Variants in UIMC1 observed in about 807,000 individuals in gnomAD.
UIMC1 encodes BRCA1-A complex subunit RAP80.
A neutral mutation model predicts 84.9 loss-of-function variants in UIMC1; 42 were observed. The ratio of observed to expected loss-of-function variants is 0.49; its 90% CI spans 0.39 to 0.64. The LOEUF (loss-of-function observed/expected upper bound fraction) is 0.64. Among genes scored for constraint, UIMC1 ranks in the 30% least tolerant of loss-of-function variants. The probability of loss-of-function intolerance (pLI) is 0.00; values close to 1 mark genes in which losing one functional copy is unlikely to be tolerated. For synonymous variants in UIMC1, 281 were observed against 293.0 expected, an observed-to-expected ratio of 0.96 and a Z score of 0.42; for missense variants, 825 against 847.6, an observed-to-expected ratio of 0.97 and a Z score of 0.33.
At chr5:176,999,568 A>C (rs1396068584) in intron 1 of UIMC1, among the ~76,000 whole-genome samples, 1 of 148,020 alleles carries the variant, frequency 6.8e-6, no homozygotes, top group Non-Finnish European at 1.5e-5. Context: ...TACCCTTCCC[A>C]ACCTCTAGTA....
intron 1 of UIMC1, among the ~76,000 whole-genome samples, chr5:176,996,444 TTG>T (rs1773622946): frequency 6.6e-6 from 1 of 152,164 alleles, no homozygotes; most frequent in African/African-American, 2.4e-5. Flanking sequence ...AAAAAAGGAC[TTG>T]TGGTTACCAT....
Position 177,012,553 on chromosome 5 carries a change from C to A in UIMC1, c.-9+9911G>T, listed in dbSNP as rs542929522. Among the ~76,000 whole-genome samples, 6 of 152,048 alleles carry A rather than the reference C, an allele frequency of 3.9e-5. No homozygotes were observed. In the South Asian group the frequency reaches 6.2e-4, roughly 16 times the overall value. ...ACTAAAAATACGAAAACTAGCCAGG[C>A]GCGGTGGCAGGCACCTGTAATCCCA... On this transcript the variant is annotated intron_variant, in intron 1 of 5. Coordinates refer to the UIMC1 transcript ENST00000509236.
intron 1 of UIMC1, among the ~76,000 whole-genome samples, chr5:177,019,627 G>GAAAA (rs367851922): frequency 7.5e-6 from 1 of 133,960 alleles, no homozygotes; most frequent in African/African-American, 2.8e-5. Context: ...CCCTGTCTCG[G>GAAAA]AAAAAAAAAA....
intron 1 of UIMC1, among the ~76,000 whole-genome samples, chr5:177,017,919 T>A (rs1775706599): frequency 6.6e-6 from 1 of 152,092 alleles, no homozygotes; most frequent in African/African-American, 2.4e-5. Flanking sequence ...TCCAAAGTGC[T>A]GGGATTACAG....
At chr5:176,914,525 G>A (rs1243518907) in intron 10 of UIMC1, among the ~76,000 whole-genome samples, 1 of 152,188 alleles carries the variant, frequency 6.6e-6, no homozygotes, top group Non-Finnish European at 1.5e-5. Context: ...TGCTCTTAAG[G>A]AGAGTGCAGT....
chr5:177,000,745 C>G (rs1774330261), intron 1 of UIMC1, among the ~76,000 whole-genome samples: 1 of 151,996 alleles, frequency 6.6e-6, no homozygotes, highest in Non-Finnish European at 1.5e-5. Flanking sequence ...GGTGATCCAC[C>G]TGCCTCGGAC....
chr5:176,995,993 G>A (rs1332195342), intron 1 of UIMC1, among the ~76,000 whole-genome samples: 1 of 152,034 alleles, frequency 6.6e-6, no homozygotes. Flanking sequence ...AGACGTGAAT[G>A]TTCATCATAG....
chr5:176,912,824 G>A (rs1341019636), intron 10 of UIMC1, among the ~76,000 whole-genome samples: 2 of 151,966 alleles, frequency 1.3e-5, no homozygotes, highest in Non-Finnish European at 2.9e-5. Flanking sequence ...CCGCCACGAC[G>A]CCCAGCTAAT....
At chr5:176,988,115 G>A (rs1200760227) in intron 1 of UIMC1, among the ~76,000 whole-genome samples, 2 of 115,396 alleles carry the variant, frequency 1.7e-5, no homozygotes, top group Non-Finnish European at 3.2e-5. Flanking sequence ...CTGGGTGACA[G>A]ACTACGCCCC....
chr5:176,953,530 A>ACACACACACACACACACACACACACACC (rs1486168664), intron 8 of UIMC1, among the ~76,000 whole-genome samples: 7 of 151,084 alleles, frequency 4.6e-5, no homozygotes, highest in African/African-American at 1.5e-4. Context: ...ACACACACAC[A>ACACACACACACACACACACACACACACC]CCTTATTGGA....
At chr5:176,914,986 A>C (rs1475248205) in intron 10 of UIMC1, among the ~76,000 whole-genome samples, 2 of 152,236 alleles carry the variant, frequency 1.3e-5, no homozygotes, top group Admixed American at 1.3e-4. Context: ...CAAAGATTAC[A>C]GAATCCTTTA....
intron 10 of UIMC1, among the ~76,000 whole-genome samples, chr5:176,923,341 C>A (rs182409913): frequency 1.4e-4 from 21 of 152,248 alleles, no homozygotes; most frequent in African/African-American, 5.1e-4. Flanking sequence ...AGGAATAAGA[C>A]TGAAATGACT....
intron 6 of UIMC1, among the ~76,000 whole-genome samples, 182 bp downstream of exon 6, chr5:176,968,372 CA>C (rs752467394): frequency 2.6e-3 from 359 of 137,140 alleles, no homozygotes; most frequent in Middle Eastern, 7.2e-3. Context: ...GACTCCAACT[CA>C]AAAAAAAAAA....
At chr5:176,915,730 A>AG (rs1760887367) in intron 10 of UIMC1, among the ~76,000 whole-genome samples, 1 of 146,190 alleles carries the variant, frequency 6.8e-6, no homozygotes, top group African/African-American at 2.5e-5. Context: ...CTGGGATTAC[A>AG]GGCGTGAGCC....
intron 2 of UIMC1, among the ~76,000 whole-genome samples, chr5:176,979,341 G>A (rs1770654771): frequency 6.6e-6 from 1 of 152,128 alleles, no homozygotes; most frequent in Non-Finnish European, 1.5e-5. Flanking sequence ...GAAAAGAGCT[G>A]GGTGCGGTGG....
intron 1 of UIMC1, among the ~76,000 whole-genome samples, chr5:177,021,617 A>C (rs1775828201): frequency 6.6e-6 from 1 of 151,832 alleles, no homozygotes; most frequent in Non-Finnish European, 1.5e-5. Flanking sequence ...AAGGGAAGTC[A>C]GATTGTACAG....
At chr5:176,937,763 G>C (rs193120560) in intron 10 of UIMC1, among the ~76,000 whole-genome samples, 2 of 152,166 alleles carry the variant, frequency 1.3e-5, no homozygotes, top group Admixed American at 1.3e-4. Context: ...AACCAAGCAC[G>C]TCTAGGATCC....
intron 1 of UIMC1, among the ~76,000 whole-genome samples, chr5:177,004,880 A>T (rs1206339259): frequency 6.6e-6 from 1 of 152,074 alleles, no homozygotes; most frequent in Non-Finnish European, 1.5e-5. Flanking sequence ...TAAATGATTG[A>T]CTTTTACCCC....
chr5:176,943,402 T>C lies in UIMC1; in HGVS notation c.1530A>G (p.Gln510=), dbSNP rs189123026. The C allele has an allele frequency of 1.6e-5, 26 of 1,614,156 alleles. No individual in the cohort carries two copies. The highest frequency in any genetic ancestry group is 9.9e-5 in the South Asian group (9 of 91,080). ...SNQVSCPLCD[Q]CFPPTKIERH... Reference sequence around the variant, plus strand: ...GTTCAATCTTTGTGGGTGGAAAGCATTGGTCACATAGCGGGCAGGATACCT... The same window carrying C: ...GTTCAATCTTTGTGGGTGGAAAGCACTGGTCACATAGCGGGCAGGATACCT... The change falls in exon 10 of 15, where the codon CAA becomes CAG. Residue 510 remains glutamine (Q), a synonymous_variant. Coordinates refer to ENST00000511320, the MANE Select transcript of UIMC1 (RefSeq NM_001199298.2).
Sources: allele counts gnomAD v4.1 joint callset (sites outside exome capture counted in the v4.1 genomes callset), GRCh38; gene constraint gnomAD v4.1.1; transcripts MANE v1.5; gene names NCBI Gene and HGNC (gene_info 2026-07-23, HGNC 2026-07-21).